EPM2A: variants seen among roughly 807,000 people sequenced by gnomAD.
EPM2A encodes EPM2A glucan phosphatase, laforin.
In EPM2A, 21 loss-of-function variants were observed where a neutral mutation model predicts 26.5. That is an observed-to-expected ratio of 0.79 (90% CI 0.56 to 1.14). The LOEUF is 1.14. Among genes scored for constraint, EPM2A ranks in the 50% most tolerant of loss-of-function variants. EPM2A has a pLI of 0.00. For synonymous variants in EPM2A, 217 were observed against 177.6 expected, an observed-to-expected ratio of 1.22 and a Z score of -1.76; for missense variants, 458 against 440.8, an observed-to-expected ratio of 1.04 and a Z score of -0.35.
intron 4 of EPM2A, among the ~76,000 whole-genome samples, chr6:145,432,062 C>G (rs1352503263): frequency 6.6e-6 from 1 of 152,154 alleles, no homozygotes; most frequent in East Asian, 1.9e-4. Context: ...GCAATTCAGT[C>G]ACATCTTCAG....
chr6:145,532,014 C>A (rs1273680461), intron 2 of EPM2A, among the ~76,000 whole-genome samples: 3 of 152,172 alleles, frequency 2.0e-5, no homozygotes, highest in African/African-American at 7.2e-5. Context: ...TCCTTAGTAA[C>A]AGCACACATC....
chr6:145,663,001 G>A (rs2128589740), intron 2 of EPM2A, among the ~76,000 whole-genome samples: 1 of 152,154 alleles, frequency 6.6e-6, no homozygotes, highest in South Asian at 2.1e-4. Context: ...ATGCAACTAT[G>A]GGTCTGAGCT....
chr6:145,386,385 C>T (rs183324068), intron 4 of EPM2A, among the ~76,000 whole-genome samples: 339 of 151,884 alleles, frequency 2.2e-3, no homozygotes, highest in Admixed American at 6.4e-3. Context: ...GTATATCACC[C>T]GAGAGTTATC....
downstream of EPM2A, among the ~76,000 whole-genome samples, chr6:145,500,010 CT>C (rs5880644): frequency 6.7e-5 from 10 of 149,272 alleles, no homozygotes; most frequent in Non-Finnish European, 7.4e-5. Flanking sequence ...AAAAGATGTG[CT>C]TTTTTTTTTA....
intron 2 of EPM2A, among the ~76,000 whole-genome samples, chr6:145,684,220 A>G (rs1290437910): frequency 6.6e-6 from 1 of 152,130 alleles, no homozygotes; most frequent in Non-Finnish European, 1.5e-5. Context: ...GTAAAGCAAT[A>G]AAAAAGATGA....
In EPM2A at chr6:145,689,596, A is replaced by G. The variant is rs147990279; in HGVS notation, c.302-3300T>C. On this transcript the variant is annotated intron_variant, in intron 1 of 3. Coordinates refer to ENST00000367519, the MANE Select transcript of EPM2A (RefSeq NM_005670.4). Reference sequence around the variant, plus strand: ...AAGGACAGAAAAAGAAAACATGACAAAAGTCCATTCTCTCTAGCCAAATGA... The same window carrying G: ...AAGGACAGAAAAAGAAAACATGACAGAAGTCCATTCTCTCTAGCCAAATGA... 1.6e-4 allele frequency among the ~76,000 whole-genome samples: 24 copies of G among 152,318 alleles called. No homozygotes were observed. In the East Asian group the frequency reaches 4.6e-3, roughly 29 times the overall value.
Position 145,627,658 on chromosome 6 carries a change from G to A in EPM2A, c.754C>T (p.Leu252=), listed in dbSNP as rs1775924748. Residue 252 remains leucine (L), a synonymous_variant, in exon 4 of 4, where the codon CTG becomes TTG. Transcript: ENST00000367519. ...TGTCCCTTCTCCAGCAGCGCATGCA[G>A]CAGGCACACCGCCTGGGGCAGCATC... ...VQMLPQAVCL[L]HALLEKGHIV... The A allele has an allele frequency of 6.2e-7, 1 of 1,614,196 alleles. No individual in the cohort carries two copies. Among genetic ancestry groups the A allele is most frequent in the Non-Finnish European group, 8.5e-7 (1 of 1,180,030 alleles).
At chr6:145,489,897 A>G (rs1779732273) in intron 4 of EPM2A, 1 of 1,357,940 alleles carries the variant, frequency 7.4e-7, no homozygotes, top group Admixed American at 1.7e-5. Flanking sequence ...GTACTTCAGT[A>G]CCTTCTTCAG....
chr6:145,498,440 C>G (rs563980227), downstream of EPM2A, among the ~76,000 whole-genome samples: 76 of 152,204 alleles, frequency 5.0e-4, 1 homozygote, highest in Non-Finnish European at 4.4e-4. Flanking sequence ...TCCTGAGACT[C>G]TGTGCACACC....
chr6:145,635,657 G>C lies in EPM2A; in HGVS notation c.477-171C>G, dbSNP rs13200495. The C allele has an allele frequency of 0.086, 55,529 of 643,080 alleles. 2,558 individuals are homozygous for C. The highest frequency in any genetic ancestry group is 0.12 in the Middle Eastern group (275 of 2,336). 39.8% of individuals were successfully genotyped at this position (643,080 alleles called of 1,614,324 possible). ...TGTTATTATTGAAAGAAAAAGTACTGGTGTTGCTGCTTTGGGGAAAGCAAG... is the reference window on the plus strand; with the variant it reads ...TGTTATTATTGAAAGAAAAAGTACTCGTGTTGCTGCTTTGGGGAAAGCAAG... On this transcript the variant is annotated intron_variant, in intron 2 of 3. Coordinates refer to ENST00000367519, the MANE Select transcript of EPM2A (RefSeq NM_005670.4).
intron 4 of EPM2A, among the ~76,000 whole-genome samples, chr6:145,465,397 T>C (rs536777264): frequency 1.3e-5 from 2 of 152,128 alleles, no homozygotes; most frequent in Admixed American, 6.5e-5. Context: ...GTTTTCAACT[T>C]CTTTGCCTTT....
At chr6:145,408,102 A>G (rs1408798978) in intron 4 of EPM2A, among the ~76,000 whole-genome samples, 1 of 152,128 alleles carries the variant, frequency 6.6e-6, no homozygotes, top group Non-Finnish European at 1.5e-5. Context: ...TCTGCCTGTT[A>G]TGAGCCTCAG....
intron 2 of EPM2A, among the ~76,000 whole-genome samples, chr6:145,562,722 T>C (rs1780823015): frequency 6.6e-6 from 1 of 152,096 alleles, no homozygotes. Flanking sequence ...ACCCAAGGAC[T>C]CTGCTGCTTC....
chr6:145,597,023 T>C (rs1781354999), intron 2 of EPM2A, among the ~76,000 whole-genome samples: 1 of 150,826 alleles, frequency 6.6e-6, no homozygotes, highest in Admixed American at 6.6e-5. Context: ...GCCTCCCGAG[T>C]AGCTGGGACT....
At chr6:145,671,328 T>C in intron 2 of EPM2A, 1 of 1,009,208 alleles carries the variant, frequency 9.9e-7, no homozygotes, top group South Asian at 3.9e-5. Context: ...TGAATGTACG[T>C]CTTGAGCTAC....
intron 2 of EPM2A, among the ~76,000 whole-genome samples, chr6:145,658,212 C>T (rs1778433835): frequency 6.6e-6 from 1 of 152,186 alleles, no homozygotes; most frequent in Non-Finnish European, 1.5e-5. Flanking sequence ...TCTGTCCACG[C>T]ATGCAGTCAT....
At chr6:145,636,251 A>C (rs992777593) in intron 2 of EPM2A, 5 of 152,336 alleles carry the variant, frequency 3.3e-5, no homozygotes, top group Non-Finnish European at 4.4e-5. Flanking sequence ...CTGTAATCCC[A>C]GGACTTTGGG....
At chr6:145,510,108 A>C (rs1276684317) in intron 2 of EPM2A, among the ~76,000 whole-genome samples, 1 of 152,106 alleles carries the variant, frequency 6.6e-6, no homozygotes, top group East Asian at 1.9e-4. Context: ...GACCTAAAAA[A>C]AAAAAGACTT....
At chr6:145,462,043 C>A (rs1178223255) in intron 4 of EPM2A, among the ~76,000 whole-genome samples, 1 of 152,170 alleles carries the variant, frequency 6.6e-6, no homozygotes, top group Non-Finnish European at 1.5e-5. Flanking sequence ...GGACCATGGG[C>A]AAATTCCTAA....
Sources: allele counts gnomAD v4.1 joint callset (sites outside exome capture counted in the v4.1 genomes callset), GRCh38; gene constraint gnomAD v4.1.1; transcripts MANE v1.5; gene names NCBI Gene and HGNC (gene_info 2026-07-23, HGNC 2026-07-21).